The following ADCY5 variants were observed in gnomAD, a reference collection of about 807,000 sequenced individuals.
The protein encoded by ADCY5 is adenylate cyclase type 5.
In ADCY5, 30 loss-of-function variants were observed where a neutral mutation model predicts 119.7. The observed-to-expected ratio is 0.25, with a 90% CI of 0.19 to 0.34. ADCY5 has a LOEUF of 0.34. Ranked by LOEUF, ADCY5 falls within the 10% of genes least tolerant of loss-of-function variation. The pLI, the probability that ADCY5 is intolerant of heterozygous loss-of-function variation, is 1.00. For synonymous variants in ADCY5, 753 were observed against 762.2 expected (o/e 0.99, Z 0.20); for missense variants, 1,324 against 1,775.2 (o/e 0.75, Z 4.57).
intron 20 of ADCY5, among the ~76,000 whole-genome samples, chr3:123,285,098 G>T (rs894601692): frequency 3.7e-4 from 56 of 152,316 alleles, no homozygotes; most frequent in African/African-American, 1.3e-3. Context: ...CATCTGACCT[G>T]GCTGCAGCCC....
At chr3:123,300,649 A>G (rs1015504972) in intron 14 of ADCY5, among the ~76,000 whole-genome samples, 1 of 152,052 alleles carries the variant, frequency 6.6e-6, no homozygotes, top group African/African-American at 2.4e-5. Flanking sequence ...TTCCTATCTC[A>G]TGGCTCGCTG....
chr3:123,311,563 GCT>G (rs1286372322), intron 12 of ADCY5, among the ~76,000 whole-genome samples: 1 of 152,178 alleles, frequency 6.6e-6, no homozygotes, highest in Non-Finnish European at 1.5e-5. Flanking sequence ...CTCAAATTGG[GCT>G]CTGTGTTCCA....
At chr3:123,447,155 C>A (rs1227194758) in intron 1 of ADCY5, among the ~76,000 whole-genome samples, 1 of 152,220 alleles carries the variant, frequency 6.6e-6, no homozygotes, top group Admixed American at 6.5e-5. Context: ...TGCATTCCCA[C>A]AGTGATGGCT....
chr3:123,445,324 T>A (rs1319871423), intron 1 of ADCY5, among the ~76,000 whole-genome samples: 1 of 149,590 alleles, frequency 6.7e-6, no homozygotes, highest in African/African-American at 2.5e-5. Context: ...ATTTTCATGC[T>A]AAGGTGGAAT....
At chr3:123,382,129 C>T (rs2009176) in intron 1 of ADCY5, among the ~76,000 whole-genome samples, 71,987 of 151,940 alleles carry the variant, frequency 0.47, 17,815 homozygotes, top group East Asian at 0.68. Context: ...TTTGATCTGG[C>T]TGTTGCTTCT....
intron 1 of ADCY5, among the ~76,000 whole-genome samples, chr3:123,430,507 A>T (rs1945502115): frequency 6.6e-6 from 1 of 152,242 alleles, no homozygotes; most frequent in South Asian, 2.1e-4. Context: ...CACAGGCGTC[A>T]GGTGGGAAAG....
At chr3:123,289,417 C>T (rs532422941) in intron 19 of ADCY5, among the ~76,000 whole-genome samples, 1 of 152,266 alleles carries the variant, frequency 6.6e-6, no homozygotes, top group African/African-American at 2.4e-5. Context: ...GAGCATCCCC[C>T]ACAAAGCCCT....
chr3:123,291,693 G>A lies in ADCY5; in HGVS notation c.3064-317C>T, dbSNP rs79524223. On this transcript the variant is annotated intron_variant, in intron 17 of 20. Coordinates refer to ENST00000462833, the MANE Select transcript of ADCY5 (RefSeq NM_183357.3). Reference sequence around the variant, plus strand: ...AACAAGCCTGGAGGTGAGGCTGCAAGGATCCTGTCTGCCAAAGGCCAGAAC... The same window carrying A: ...AACAAGCCTGGAGGTGAGGCTGCAAAGATCCTGTCTGCCAAAGGCCAGAAC... Among the ~76,000 whole-genome samples the A allele has an allele frequency of 0.034, 5,127 of 152,246 alleles. 256 individuals carry two copies. Among genetic ancestry groups the A allele is most frequent in the African/African-American group, 0.11 (4,700 of 41,504 alleles).
In ADCY5 at chr3:123,447,752, G is replaced by T. The variant is rs780961726; in HGVS notation, c.794C>A (p.Pro265Gln). 7 of 1,603,356 alleles carry T rather than the reference G, an allele frequency of 4.4e-6. No homozygotes were observed. In the South Asian group the frequency reaches 7.7e-5, roughly 18 times the overall value. Reference sequence around the variant, plus strand: ...CACGGCCAGGTAGGGCAGCTGGAGCGGGGGCCGCGCCGCGTGGAAGGCCAA... The same window carrying T: ...CACGGCCAGGTAGGGCAGCTGGAGCTGGGGCCGCGCCGCGTGGAAGGCCAA... ...VMLAFHAARP[P>Q]LQLPYLAVLA... The change falls in exon 1 of 21, where the codon CCG becomes CAG. Residue 265 changes from proline to glutamine, a missense_variant. Physicochemically the swap from Pro to Gln is moderately conservative, Grantham distance 76 (BLOSUM62 -1). This residue lies in a region of ADCY5 where 585 missense variants were observed against 569.9 expected (regional missense o/e 1.03). Transcript: ENST00000462833.
intron 1 of ADCY5, among the ~76,000 whole-genome samples, chr3:123,396,804 AGGCAGGCAGGCAGGC>A (rs1944598928): frequency 1.2e-5 from 1 of 80,444 alleles, no homozygotes; most frequent in Non-Finnish European, 2.6e-5. Flanking sequence ...GCAGGCAGGC[AGGCAGGCAGGCAGGC>A]GAGAGAGAGA....
intron 12 of ADCY5, among the ~76,000 whole-genome samples, chr3:123,307,825 A>G (rs950904155): frequency 2.0e-5 from 3 of 152,116 alleles, no homozygotes; most frequent in Non-Finnish European, 2.9e-5. Flanking sequence ...TGGTTGGGGA[A>G]TAGAGTATGC....
chr3:123,365,779 C>T (rs1323716369), intron 1 of ADCY5, among the ~76,000 whole-genome samples: 3 of 151,928 alleles, frequency 2.0e-5, no homozygotes, highest in Non-Finnish European at 2.9e-5. Flanking sequence ...CATGAGGGGA[C>T]GGTGAATGAA....
intron 1 of ADCY5, among the ~76,000 whole-genome samples, chr3:123,359,354 A>ATATATATATATATATATATATATATG (rs1943161228): frequency 5.7e-5 from 6 of 105,756 alleles, no homozygotes; most frequent in African/African-American, 1.7e-4. Context: ...ATATATATAT[A>ATATATATATATATATATATATATATG]TATATATATT....
intron 3 of ADCY5, among the ~76,000 whole-genome samples, chr3:123,345,643 T>A (rs1335108931): frequency 1.3e-5 from 2 of 152,072 alleles, no homozygotes; most frequent in Admixed American, 6.5e-5. Flanking sequence ...GAAGTCTGTT[T>A]CCTCACATGT....
intron 3 of ADCY5, among the ~76,000 whole-genome samples, chr3:123,333,436 G>T (rs1941871377): frequency 6.6e-6 from 1 of 152,268 alleles, no homozygotes; most frequent in Admixed American, 6.5e-5. Context: ...CCGGCCTGGA[G>T]CTCCCTGGGC....
chr3:123,284,881 C>T (rs1305347890), intron 20 of ADCY5, 145 bp from the exon 21 acceptor site: 1 of 1,075,630 alleles, frequency 9.3e-7, no homozygotes, highest in Admixed American at 2.2e-5. Flanking sequence ...GAGGTGCTCT[C>T]AGGGACTGAC....
In ADCY5 at chr3:123,448,510, G is replaced by A. The variant is rs1418564433; in HGVS notation, c.36C>T (p.Tyr12=). The change falls in exon 1 of 21, where the codon TAC becomes TAT. Residue 12 remains tyrosine, a synonymous_variant. Coordinates refer to ENST00000462833, the MANE Select transcript of ADCY5 (RefSeq NM_183357.3). ...SGSKSVSPPG[Y]AAQKTAAPAP... is the part of the protein sequence containing the mutation. ...CCGGCGCCGCAGTCTTCTGCGCCGC[G>A]TAGCCCGGGGGGCTCACGCTTTTGG... The A allele has an allele frequency of 2.7e-5, 34 of 1,268,246 alleles. No individual in the cohort carries two copies. The highest frequency in any genetic ancestry group is 3.2e-5 in the Non-Finnish European group (32 of 1,008,260). The allele number at this position is 1,268,246 out of a possible 1,614,324, so 78.6% of individuals were successfully genotyped here.
intron 1 of ADCY5, among the ~76,000 whole-genome samples, chr3:123,446,708 G>A (rs889924300): frequency 2.0e-5 from 3 of 152,100 alleles, no homozygotes; most frequent in Non-Finnish European, 4.4e-5. Flanking sequence ...AATGACCAGG[G>A]GCACCCACTT....
In ADCY5 at chr3:123,283,423, T is replaced by C. The variant is rs1387549023; in HGVS notation, c.*1185A>G. On this transcript the variant is annotated 3_prime_UTR_variant, in exon 21 of 21. Coordinates refer to ENST00000462833, the MANE Select transcript of ADCY5 (RefSeq NM_183357.3). ...GGCCTGGGATGGGAAAGCAGCTTTTTGTTTTCTTATTCCATCTGCGTTTTG... is the reference window on the plus strand; with the variant it reads ...GGCCTGGGATGGGAAAGCAGCTTTTCGTTTTCTTATTCCATCTGCGTTTTG... 1 of 152,306 alleles carries C rather than the reference T, an allele frequency of 6.6e-6. No homozygotes were observed. The highest frequency in any genetic ancestry group is 1.5e-5 in the Non-Finnish European group (1 of 68,082). The allele number at this position is 152,306 out of a possible 1,614,324, so 9.4% of individuals were successfully genotyped here. A position where few individuals can be genotyped will look rare whatever the true frequency, so the allele number is the denominator to read the frequency against.
Sources: allele counts gnomAD v4.1 joint callset (sites outside exome capture counted in the v4.1 genomes callset), GRCh38; gene constraint gnomAD v4.1.1; regional missense constraint gnomAD v4.1.1; transcripts MANE v1.5; gene names NCBI Gene and HGNC (gene_info 2026-07-23, HGNC 2026-07-21).